The following ZCCHC10 variants were observed in gnomAD, a reference collection of about 807,000 sequenced individuals.
The protein encoded by ZCCHC10 is zinc finger CCHC domain-containing protein 10.
A neutral mutation model predicts 19.5 loss-of-function variants in ZCCHC10; 16 were observed. That is an observed-to-expected ratio of 0.82 (90% CI 0.56 to 1.25). The LOEUF (loss-of-function observed/expected upper bound fraction) is 1.25. ZCCHC10 is among the 50% of genes most tolerant of loss of function. ZCCHC10 has a pLI of 0.00. For missense variants in ZCCHC10, 197 were observed against 201.0 expected (o/e 0.98, Z 0.12); for synonymous variants, 67 against 72.5 (o/e 0.92, Z 0.38).
chr5:133,023,026 C>G (rs1210238130), intron 1 of ZCCHC10, 120 bp from the exon 2 acceptor site: 1 of 401,058 alleles, frequency 2.5e-6, no homozygotes, highest in Non-Finnish European at 4.4e-6. Flanking sequence ...GGTTTTTTAA[C>G]TGACTGAAAT....
chr5:133,012,891 A>C (rs572046668), intron 2 of ZCCHC10, among the ~76,000 whole-genome samples: 1 of 152,148 alleles, frequency 6.6e-6, no homozygotes, highest in African/African-American at 2.4e-5. Context: ...TCTATTAAAA[A>C]TACAAAAAAA....
chr5:133,001,416 C>G (rs1252297450), intron 3 of ZCCHC10, among the ~76,000 whole-genome samples: 1 of 151,566 alleles, frequency 6.6e-6, no homozygotes, highest in African/African-American at 2.4e-5. Context: ...ACAACAACAA[C>G]AACAAGAAAA....
chr5:132,998,142 ACTC>A lies in ZCCHC10; in HGVS notation c.*438_*440del, dbSNP rs1762535832. 1 of 156,686 alleles carries A rather than the reference ACTC, an allele frequency of 6.4e-6. No homozygotes were observed. The highest frequency in any genetic ancestry group is 1.9e-4 in the South Asian group (1 of 5,316). 9.7% of individuals were successfully genotyped at this position (156,686 alleles called of 1,614,324 possible). A position where few individuals can be genotyped will look rare whatever the true frequency, so the allele number is the denominator to read the frequency against. ...GAGCACATTTATTAATAGTAGGAAA[ACTC>A]CTAAGCTTACAGTAACAACATATTA... On this transcript the variant is annotated 3_prime_UTR_variant, in exon 5 of 5. Coordinates refer to ENST00000509437, the MANE Select transcript of ZCCHC10 (RefSeq NM_001300816.3).
At chr5:133,013,672 A>G (rs1763724078) in intron 2 of ZCCHC10, among the ~76,000 whole-genome samples, 1 of 152,130 alleles carries the variant, frequency 6.6e-6, no homozygotes, top group Non-Finnish European at 1.5e-5. Flanking sequence ...TGGCCAGCCA[A>G]GATTGCGCCA....
intron 1 of ZCCHC10, among the ~76,000 whole-genome samples, chr5:133,025,460 C>T (rs1401720238): frequency 2.9e-5 from 4 of 139,572 alleles, no homozygotes; most frequent in African/African-American, 1.1e-4. Context: ...GCCAAGATTG[C>T]ACCTCTGCAC....
intron 2 of ZCCHC10, among the ~76,000 whole-genome samples, chr5:133,007,530 G>A (rs1452311830): frequency 1.4e-4 from 20 of 148,112 alleles, no homozygotes; most frequent in Middle Eastern, 3.5e-3. Context: ...GCAACAGAGC[G>A]AGACTCCGTC....
chr5:133,015,021 G>C (rs73254813), intron 2 of ZCCHC10, among the ~76,000 whole-genome samples: 3 of 150,792 alleles, frequency 2.0e-5, no homozygotes, highest in Admixed American at 6.6e-5. Flanking sequence ...TATTACTGAT[G>C]ATGTTCACTT....
intron 1 of ZCCHC10, among the ~76,000 whole-genome samples, chr5:133,023,515 C>A (rs1019847484): frequency 1.6e-4 from 24 of 148,440 alleles, no homozygotes; most frequent in African/African-American, 5.8e-4. Context: ...TGGCTCACAC[C>A]TGTAATCCCA....
At chr5:133,020,744 G>A (rs1017722740) in intron 2 of ZCCHC10, among the ~76,000 whole-genome samples, 9 of 150,962 alleles carry the variant, frequency 6.0e-5, no homozygotes, top group Middle Eastern at 3.4e-3. Context: ...TTTTTGAGAC[G>A]GAGTCTCACT....
intron 2 of ZCCHC10, among the ~76,000 whole-genome samples, chr5:133,020,375 C>T (rs1764219925): frequency 6.6e-6 from 1 of 151,446 alleles, no homozygotes; most frequent in African/African-American, 2.4e-5. Flanking sequence ...GCCTGGGAGG[C>T]AGAGGCTGCA....
At chr5:133,007,171 C>T (rs1561539205) in intron 2 of ZCCHC10, among the ~76,000 whole-genome samples, 1 of 152,092 alleles carries the variant, frequency 6.6e-6, no homozygotes, top group Admixed American at 6.6e-5. Flanking sequence ...TGGGAGGTAA[C>T]TTAATCATAG....
chr5:133,014,316 C>T (rs974024817), intron 2 of ZCCHC10, among the ~76,000 whole-genome samples: 15 of 152,032 alleles, frequency 9.9e-5, no homozygotes, highest in Non-Finnish European at 2.1e-4. Context: ...TGTGCCACCA[C>T]GCCTGGCTAA....
At chr5:133,021,954 T>G (rs1008527321) in intron 2 of ZCCHC10, among the ~76,000 whole-genome samples, 3 of 151,932 alleles carry the variant, frequency 2.0e-5, no homozygotes, top group African/African-American at 7.3e-5. Flanking sequence ...CCACGACACC[T>G]GGCTAATTTT....
chr5:133,006,696 C>T, intron 3 of ZCCHC10, 63 bp downstream of exon 3: 1 of 1,451,118 alleles, frequency 6.9e-7, no homozygotes, highest in Admixed American at 2.4e-5. Context: ...AACGTTTGGT[C>T]CTTTAATAAA....
At chr5:133,018,058 T>C (rs1322369453) in intron 2 of ZCCHC10, among the ~76,000 whole-genome samples, 2 of 151,224 alleles carry the variant, frequency 1.3e-5, no homozygotes, top group Non-Finnish European at 2.9e-5. Context: ...GGCCTATGAA[T>C]TGCTTGAAAC....
chr5:133,000,336 C>T (rs1296048863), intron 3 of ZCCHC10, 163 bp from the exon 4 acceptor site: 1 of 761,910 alleles, frequency 1.3e-6, no homozygotes, highest in Non-Finnish European at 2.0e-6. Flanking sequence ...AGTGGAAAGT[C>T]TGCCATTGTA....
At chr5:133,005,510 A>C (rs764154081) in intron 3 of ZCCHC10, among the ~76,000 whole-genome samples, 2 of 152,080 alleles carry the variant, frequency 1.3e-5, no homozygotes, top group African/African-American at 2.4e-5. Context: ...GCTACTGGGG[A>C]GGCTGAGGTG....
intron 1 of ZCCHC10, among the ~76,000 whole-genome samples, chr5:133,023,640 G>C (rs778580451): frequency 6.6e-6 from 1 of 151,806 alleles, no homozygotes; most frequent in Non-Finnish European, 1.5e-5. Context: ...CAGGCGGGTA[G>C]CACATGCCTG....
At chr5:133,003,503 A>T (rs1271693711) in intron 3 of ZCCHC10, 1 of 170,986 alleles carries the variant, frequency 5.8e-6, no homozygotes, top group Non-Finnish European at 1.2e-5. Context: ...GATTACACTG[A>T]TTAATAAATA....
Sources: gnomAD v4.1 joint callset for allele counts (sites outside exome capture counted in the v4.1 genomes callset) on GRCh38, gnomAD v4.1.1 for gene constraint, MANE v1.5 for transcripts, NCBI Gene and HGNC (gene_info 2026-07-23, HGNC 2026-07-21) for gene names.